Variants in MRPL42 observed in about 807,000 individuals in gnomAD.
MRPL42 encodes the protein large ribosomal subunit protein mL42.
In MRPL42, 17 loss-of-function variants were observed where a neutral mutation model predicts 17.9. That is an observed-to-expected ratio of 0.95 (90% CI 0.65 to 1.42). MRPL42 has a LOEUF of 1.42. Among genes scored for constraint, MRPL42 ranks in the 40% most tolerant of loss-of-function variants. The pLI is 0.00. For missense variants in MRPL42, 177 were observed against 175.2 expected, an observed-to-expected ratio of 1.01 and a Z score of -0.06; for synonymous variants, 59 against 54.4, an observed-to-expected ratio of 1.08 and a Z score of -0.37.
intron 2 of MRPL42, among the ~76,000 whole-genome samples, chr12:93,474,844 A>C (rs1194120051): frequency 7.5e-6 from 1 of 134,060 alleles, no homozygotes; most frequent in Non-Finnish European, 1.6e-5. Context: ...TAATCCCAGC[A>C]CTTTGGGAGG....
intron 4 of MRPL42, 38 bp from the exon 5 acceptor site, chr12:93,487,459 C>A: frequency 6.4e-7 from 1 of 1,559,546 alleles, no homozygotes; most frequent in Non-Finnish European, 8.8e-7. Context: ...GCTAACATTC[C>A]CACATCTTCA....
intron 5 of MRPL42, chr12:93,488,392 G>A (rs1386407470): frequency 2.5e-6 from 1 of 398,166 alleles, no homozygotes; most frequent in East Asian, 3.6e-5. Context: ...CACTGCCACT[G>A]TACTTTTAAA....
At chr12:93,487,816 A>C in intron 5 of MRPL42, 156 bp downstream of exon 5, 1 of 634,560 alleles carries the variant, frequency 1.6e-6, no homozygotes, top group Non-Finnish European at 2.5e-6. Context: ...TTCTTTTCTG[A>C]GACAGGATCT....
In MRPL42 at chr12:93,514,213, C is replaced by G. The variant is rs1161051740; in HGVS notation, c.*12992C>G. The G allele has an allele frequency of 6.6e-6, 1 of 151,906 alleles. No homozygotes were observed. The highest frequency in any genetic ancestry group is 1.5e-5 in the Non-Finnish European group (1 of 68,014). The allele number at this position is 151,906 out of a possible 1,614,324, so 9.4% of individuals were successfully genotyped here. A position where few individuals can be genotyped will look rare whatever the true frequency, so the allele number is the denominator to read the frequency against. On this transcript the variant is annotated 3_prime_UTR_variant, in exon 6 of 6. Coordinates refer to ENST00000549982, the MANE Select transcript of MRPL42 (RefSeq NM_014050.4). ...GCTTTCTCTTGAATTCTTTTAGTAA[C>G]TAGGAGTTCACTACGTTTCCATGGA...
intron 4 of MRPL42, among the ~76,000 whole-genome samples, chr12:93,482,428 T>C (rs1415418712): frequency 1.3e-5 from 2 of 152,172 alleles, no homozygotes; most frequent in South Asian, 2.1e-4. Flanking sequence ...TGTGTTTTTT[T>C]CCCCTGCTTG....
intron 4 of MRPL42, among the ~76,000 whole-genome samples, chr12:93,486,846 T>C (rs916705510): frequency 1.2e-4 from 18 of 151,896 alleles, no homozygotes; most frequent in African/African-American, 4.4e-4. Context: ...TTATTTGTAG[T>C]AGAGACACGG....
At chr12:93,488,040 G>A (rs992558886) in intron 5 of MRPL42, 7 of 271,814 alleles carry the variant, frequency 2.6e-5, no homozygotes, top group South Asian at 1.7e-4. Context: ...GCGAGATCTC[G>A]TTTCACTGCA....
intron 2 of MRPL42, among the ~76,000 whole-genome samples, chr12:93,470,231 G>A (rs1432067304): frequency 6.6e-6 from 1 of 151,960 alleles, no homozygotes; most frequent in Non-Finnish European, 1.5e-5. Flanking sequence ...GTATTTTCTC[G>A]AAAGCTTGTT....
At position 93,505,621 on chromosome 12, in the gene MRPL42, T is replaced by C. The variant is rs1277136951; in HGVS notation, c.*4400T>C. 6.6e-6 allele frequency: 1 copy of C among 152,226 alleles called. No homozygotes were observed. The highest frequency in any genetic ancestry group is 2.4e-5 in the African/African-American group (1 of 41,460). The allele number at this position is 152,226 out of a possible 1,614,324, so 9.4% of individuals were successfully genotyped here. ...ATCAGCCTCCTACTATTTTTTAATGTGCTGTTTAACCTTGTGAATGTGAGA... is the reference window on the plus strand; with the variant it reads ...ATCAGCCTCCTACTATTTTTTAATGCGCTGTTTAACCTTGTGAATGTGAGA... On this transcript the variant is annotated 3_prime_UTR_variant, in exon 6 of 6. Coordinates refer to ENST00000549982, the MANE Select transcript of MRPL42 (RefSeq NM_014050.4).
Position 93,487,828 on chromosome 12 carries a change from G to A in MRPL42, c.383+168G>A, listed in dbSNP as rs12320149. On this transcript the variant is annotated intron_variant, in intron 5 of 5. Transcript: ENST00000549982. Reference sequence around the variant, plus strand: ...TTTTTCTTTTCTGAGACAGGATCTCGCTCTGTCACCCAGGCTGGAGTGCAG... The same window carrying A: ...TTTTTCTTTTCTGAGACAGGATCTCACTCTGTCACCCAGGCTGGAGTGCAG... 3,222 of 549,534 alleles carry A rather than the reference G, an allele frequency of 5.9e-3. 88 individuals carry two copies. Among genetic ancestry groups the A allele is most frequent in the African/African-American group, 0.056 (2,881 of 51,582 alleles). The allele number at this position is 549,534 out of a possible 1,614,324, so 34.0% of individuals were successfully genotyped here.
At chr12:93,476,542 C>A (rs1880190659) in intron 2 of MRPL42, among the ~76,000 whole-genome samples, 1 of 152,062 alleles carries the variant, frequency 6.6e-6, no homozygotes. Context: ...ACCTGGAGTC[C>A]TTGCGCCTTT....
chr12:93,494,914 GAC>G (rs1401882187), intron 5 of MRPL42, among the ~76,000 whole-genome samples: 1 of 126,706 alleles, frequency 7.9e-6, no homozygotes, highest in Non-Finnish European at 1.7e-5. Flanking sequence ...AAAAGTAACA[GAC>G]ACACCATCAG....
chr12:93,485,546 A>T (rs959280637), intron 4 of MRPL42, among the ~76,000 whole-genome samples: 3 of 98,872 alleles, frequency 3.0e-5, no homozygotes, highest in Admixed American at 2.0e-4. Flanking sequence ...CTAATAGCGT[A>T]TGAATGTAAA....
chr12:93,505,021 T>TTTGGG lies in MRPL42; in HGVS notation c.*3801_*3805dup, dbSNP rs1216012054. ...TAAGCTAAGGATTTCATGAATGGGA[T>TTTGGG]TTGGGGTAGGGGCATCTATGAAATT... On this transcript the variant is annotated 3_prime_UTR_variant, in exon 6 of 6. Transcript: ENST00000549982. 2 of 152,162 alleles carry TTTGGG rather than the reference T, an allele frequency of 1.3e-5. No individual in the cohort carries two copies. The highest frequency in any genetic ancestry group is 2.9e-5 in the Non-Finnish European group (2 of 68,016). The allele number at this position is 152,162 out of a possible 1,614,324, so 9.4% of individuals were successfully genotyped here.
At chr12:93,470,279 G>A (rs1277575024) in intron 2 of MRPL42, among the ~76,000 whole-genome samples, 1 of 152,126 alleles carries the variant, frequency 6.6e-6, no homozygotes, top group Non-Finnish European at 1.5e-5. Flanking sequence ...ACCCAAATAA[G>A]TAAATAGAGT....
intron 2 of MRPL42, among the ~76,000 whole-genome samples, chr12:93,472,104 C>G (rs1366689290): frequency 6.6e-6 from 1 of 152,148 alleles, no homozygotes; most frequent in African/African-American, 2.4e-5. Flanking sequence ...GCCTCTCATT[C>G]ATGATAGGAG....
intron 5 of MRPL42, chr12:93,500,743 T>C (rs898922007): frequency 7.7e-6 from 1 of 130,520 alleles, no homozygotes; most frequent in African/African-American, 2.6e-5. Context: ...TGGGTTACCA[T>C]GTTGAAATTA....
intron 2 of MRPL42, chr12:93,470,386 T>C (rs1879850552): frequency 1.2e-5 from 13 of 1,072,468 alleles, no homozygotes; most frequent in Non-Finnish European, 1.5e-5. Context: ...TATAGGAAGC[T>C]TTCCATTTCT....
At chr12:93,494,077 A>G (rs1409612041) in intron 5 of MRPL42, among the ~76,000 whole-genome samples, 1 of 143,028 alleles carries the variant, frequency 7.0e-6, no homozygotes, top group Non-Finnish European at 1.5e-5. Context: ...TAGCCAGAAT[A>G]CATGAACAAG....
Sources: gnomAD v4.1 joint callset for allele counts (sites outside exome capture counted in the v4.1 genomes callset) on GRCh38, gnomAD v4.1.1 for gene constraint, MANE v1.5 for transcripts, NCBI Gene and HGNC (gene_info 2026-07-23, HGNC 2026-07-21) for gene names.